The following FIRRM variants were observed in gnomAD, a reference collection of about 807,000 sequenced individuals.
FIRRM encodes the protein FIGNL1-interacting regulator of recombination and mitosis.
the FIRRM span, among the ~76,000 whole-genome samples, chr1:169,833,139 A>G: frequency 7.9e-5 from 12 of 152,210 alleles, no homozygotes; most frequent in South Asian, 2.3e-3. Flanking sequence ...AAGAGCTAGA[A>G]TATTATTTTT....
the FIRRM span, among the ~76,000 whole-genome samples, chr1:169,845,417 A>C: frequency 6.6e-6 from 1 of 152,158 alleles, no homozygotes; most frequent in Non-Finnish European, 1.5e-5. Flanking sequence ...AAAATACGAC[A>C]ATGAAGTCTG....
chr1:169,820,113 G>A, the FIRRM span, among the ~76,000 whole-genome samples: 25 of 152,188 alleles, frequency 1.6e-4, no homozygotes, highest in African/African-American at 6.0e-4. Flanking sequence ...AAGCTCCTAA[G>A]GACATTTTTC....
the FIRRM span, chr1:169,853,691 A>G: frequency 6.3e-5 from 102 of 1,609,460 alleles, no homozygotes; most frequent in Non-Finnish European, 8.2e-5. Flanking sequence ...CCTTTTTCCT[A>G]AAGTTTAACT....
chr1:169,795,813 C>T, the FIRRM span: 1 of 982,906 alleles, frequency 1.0e-6, no homozygotes, highest in Non-Finnish European at 1.2e-6. Flanking sequence ...GACAAGTTCT[C>T]ACTCCTCTCA....
chr1:169,804,589 G>T, the FIRRM span, among the ~76,000 whole-genome samples: 3 of 151,872 alleles, frequency 2.0e-5, no homozygotes, highest in African/African-American at 7.3e-5. Context: ...ATATAAATAC[G>T]TGCATATGTG....
the FIRRM span, among the ~76,000 whole-genome samples, chr1:169,821,016 T>G: frequency 9.9e-5 from 15 of 152,222 alleles, no homozygotes; most frequent in Non-Finnish European, 1.8e-4. Context: ...TTCCAGAAAT[T>G]GAATTGCTAC....
chr1:169,853,728 T>C, the FIRRM span: 1 of 1,613,718 alleles, frequency 6.2e-7, no homozygotes, highest in South Asian at 1.1e-5. Flanking sequence ...AGTTATTATC[T>C]TCCCAGTTCA....
At chr1:169,854,005 G>C in the FIRRM span, 6 of 598,254 alleles carry the variant, frequency 1.0e-5, no homozygotes, top group African/African-American at 1.9e-5. Context: ...AATCAGTGTG[G>C]ATGACACCAA....
chr1:169,802,641 C>T, the FIRRM span: 2 of 1,610,870 alleles, frequency 1.2e-6, 1 homozygote, highest in South Asian at 2.2e-5. Flanking sequence ...TATTCGATGA[C>T]ATGATGTATG....
At chr1:169,796,955 A>G in the FIRRM span, among the ~76,000 whole-genome samples, 1 of 152,232 alleles carries the variant, frequency 6.6e-6, no homozygotes, top group Non-Finnish European at 1.5e-5. Context: ...CCCCAAACGC[A>G]GTCTTACACT....
the FIRRM span, chr1:169,832,348 T>C: frequency 1.1e-5 from 12 of 1,070,676 alleles, no homozygotes; most frequent in Non-Finnish European, 1.7e-5. Context: ...TTTTGGCATA[T>C]TCTCTTCTTG....
At chr1:169,820,321 G>C in the FIRRM span, among the ~76,000 whole-genome samples, 623 of 152,314 alleles carry the variant, frequency 4.1e-3, 5 homozygotes, top group African/African-American at 0.013. Flanking sequence ...TGTCTGTAGT[G>C]AAGGGACCTT....
At chr1:169,842,594 G>A in the FIRRM span, 3 of 1,588,622 alleles carry the variant, frequency 1.9e-6, no homozygotes, top group Non-Finnish European at 1.7e-6. Context: ...ATCAAAAAAA[G>A]AGGATTGTAC....
the FIRRM span, among the ~76,000 whole-genome samples, chr1:169,788,197 A>G: frequency 6.6e-6 from 1 of 152,166 alleles, no homozygotes; most frequent in Non-Finnish European, 1.5e-5. Flanking sequence ...CCCTTGAACA[A>G]CATGAATTTG....
chr1:169,793,002 C>T, the FIRRM span: 1 of 1,614,032 alleles, frequency 6.2e-7, no homozygotes, highest in African/African-American at 1.3e-5. Context: ...GAGTTAGCTA[C>T]TACATTAGGT....
At chr1:169,849,289 T>C in the FIRRM span, among the ~76,000 whole-genome samples, 1 of 152,178 alleles carries the variant, frequency 6.6e-6, no homozygotes. Context: ...TGCAGGTCAT[T>C]TGAGGACTTT....
chr1:169,851,973 A>C, the FIRRM span: 1 of 1,613,778 alleles, frequency 6.2e-7, no homozygotes. Flanking sequence ...AACTTTAACA[A>C]GGCAAATTCT....
chr1:169,849,607 A>T, the FIRRM span: 1 of 1,603,232 alleles, frequency 6.2e-7, no homozygotes, highest in Non-Finnish European at 8.5e-7. Context: ...TCGCTGAGGT[A>T]ATTATAAAAC....
At chr1:169,830,079 C>A in the FIRRM span, among the ~76,000 whole-genome samples, 1 of 152,104 alleles carries the variant, frequency 6.6e-6, no homozygotes, top group Non-Finnish European at 1.5e-5. Context: ...ATAGTAGGTG[C>A]TCAATAAATA....
Sources: allele counts gnomAD v4.1 joint callset (sites outside exome capture counted in the v4.1 genomes callset), GRCh38; gene constraint gnomAD v4.1.1; transcripts MANE v1.5; gene names NCBI Gene and HGNC (gene_info 2026-07-23, HGNC 2026-07-21).